Variants in COL18A1 observed in about 807,000 individuals in gnomAD.
The protein encoded by COL18A1 is collagen alpha-1(XVIII) chain.
A neutral mutation model predicts 168.0 loss-of-function variants in COL18A1; 133 were observed. The ratio of observed to expected loss-of-function variants is 0.79; its 90% CI spans 0.69 to 0.91. The LOEUF is 0.91. COL18A1 is among the 40% of genes least tolerant of loss of function. The probability of loss-of-function intolerance (pLI) is 0.00; values close to 1 mark genes in which losing one functional copy is unlikely to be tolerated. For synonymous variants in COL18A1, 949 were observed against 809.0 expected, an observed-to-expected ratio of 1.17 and a Z score of -2.94; for missense variants, 2,126 against 1,925.4, an observed-to-expected ratio of 1.10 and a Z score of -1.95.
At chr21:45,456,676 C>T in intron 2 of COL18A1, 1 of 1,532,698 alleles carries the variant, frequency 6.5e-7, no homozygotes, top group East Asian at 2.5e-5. Flanking sequence ...CGCACTGCCA[C>T]CCCTTCCTCG....
chr21:45,506,319 G>C (rs2037202119), intron 37 of COL18A1: 3 of 367,412 alleles, frequency 8.2e-6, no homozygotes, highest in South Asian at 6.5e-5. Context: ...AGGCCCTCCA[G>C]GGCCACGTGA....
At chr21:45,493,469 C>T (rs560903420) in intron 25 of COL18A1, 32 bp from the exon 26 acceptor site, 9 of 1,536,094 alleles carry the variant, frequency 5.9e-6, no homozygotes, top group Non-Finnish European at 7.9e-6. Flanking sequence ...AAGGAGCTGG[C>T]CCTGACTCTG....
At chr21:45,505,466 C>T (rs1197460121) in intron 36 of COL18A1, 35 bp downstream of exon 36, 4 of 1,154,708 alleles carry the variant, frequency 3.5e-6, no homozygotes, top group Non-Finnish European at 3.8e-6. Flanking sequence ...GCACCTGCGT[C>T]CCGTGCCCTG....
chr21:45,447,392 T>C (rs2034528741), intron 2 of COL18A1, among the ~76,000 whole-genome samples: 1 of 152,122 alleles, frequency 6.6e-6, no homozygotes, highest in Non-Finnish European at 1.5e-5. Context: ...GAAAAATCTA[T>C]TGTATTTATT....
intron 15 of COL18A1, among the ~76,000 whole-genome samples, chr21:45,483,692 G>A (rs147782472): frequency 8.1e-4 from 123 of 152,338 alleles, no homozygotes; most frequent in African/African-American, 2.5e-3. Flanking sequence ...GCTGGACGGG[G>A]TTGGCACTAA....
At chr21:45,475,816 C>T (rs755685074) in intron 5 of COL18A1, among the ~76,000 whole-genome samples, 4 of 152,268 alleles carry the variant, frequency 2.6e-5, no homozygotes, top group Non-Finnish European at 5.9e-5. Flanking sequence ...TTCGAGGCAA[C>T]CTTGGCCTTC....
At chr21:45,430,798 G>A (rs1322638220) in intron 2 of COL18A1, among the ~76,000 whole-genome samples, 3 of 152,198 alleles carry the variant, frequency 2.0e-5, no homozygotes, top group African/African-American at 7.2e-5. Flanking sequence ...ACCAAAGCAA[G>A]CTCCTTTGTG....
At chr21:45,506,953 C>G in intron 37 of COL18A1, 3 of 252,612 alleles carry the variant, frequency 1.2e-5, no homozygotes, top group Non-Finnish European at 2.4e-5. Flanking sequence ...CTGGTGCCCA[C>G]TGTGTGCCAG....
chr21:45,509,673 C>T, intron 39 of COL18A1, 72 bp downstream of exon 39: 1 of 855,386 alleles, frequency 1.2e-6, no homozygotes, highest in South Asian at 1.4e-5. Context: ...AGGGCCCAGC[C>T]CCTGCAGAGC....
rs1211402091 is a variant in COL18A1, at chr21:45,490,719, A to T, written c.2032-117A>T. The T allele has an allele frequency of 2.6e-6, 3 of 1,138,842 alleles. No homozygotes were observed. The East Asian group carries it at 7.7e-5, about 29-fold the overall frequency. The allele number at this position is 1,138,842 out of a possible 1,614,324, so 70.5% of individuals were successfully genotyped here. The stretch of plus-strand genomic sequence containing the variant: ...GGCTCTTGGTGGCTGCCTCCCTCCC[A>T]GGCCCCAGCCGGTCGGGAAATAAAG... On this transcript the variant is annotated intron_variant, in intron 20 of 41. Transcript: ENST00000651438.
At position 45,431,520 on chromosome 21, in the gene COL18A1, G is replaced by C. The variant is rs1239566732; in HGVS notation, c.106+26047G>C. Among the ~76,000 whole-genome samples the C allele has an allele frequency of 4.1e-5, 5 of 122,004 alleles. No homozygotes were observed. In the South Asian group the frequency reaches 1.4e-3, roughly 33 times the overall value. The allele number at this position is 122,004 out of a possible 152,430, so 80.0% of individuals were successfully genotyped here. The stretch of plus-strand genomic sequence containing the variant: ...AGGCAGGACCCGGCGGCCCAGGGGA[G>C]GGGGGCAGGCAGGACTCGGCGGCCC... On this transcript the variant is annotated intron_variant, in intron 2 of 41. Transcript: ENST00000651438.
intron 4 of COL18A1, among the ~76,000 whole-genome samples, chr21:45,474,677 G>A (rs754680585): frequency 1.3e-3 from 7 of 5,498 alleles, no homozygotes; most frequent in Non-Finnish European, 2.2e-3. Context: ...TCACTCAGGG[G>A]CCCAGATCAC....
chr21:45,494,051 T>G, intron 26 of COL18A1: 1 of 283,774 alleles, frequency 3.5e-6, no homozygotes, highest in Non-Finnish European at 6.8e-6. Context: ...TCGGGGAGGG[T>G]CCTGGGGAGA....
chr21:45,485,107 C>G (rs560002746), intron 15 of COL18A1, among the ~76,000 whole-genome samples: 7 of 148,828 alleles, frequency 4.7e-5, no homozygotes, highest in Non-Finnish European at 1.0e-4. Flanking sequence ...CTCAGCCTCC[C>G]GAGTAACTGG....
chr21:45,483,320 CG>C (rs1332196055), intron 15 of COL18A1, among the ~76,000 whole-genome samples: 2 of 152,204 alleles, frequency 1.3e-5, no homozygotes, highest in African/African-American at 4.8e-5. Context: ...GAAGGCAGCC[CG>C]GGTGTCCTTG....
rs768204994 is a variant in COL18A1, at chr21:45,512,432, G to A, written c.*34G>A. The A allele has an allele frequency of 6.2e-5, 99 of 1,596,338 alleles. No homozygotes were observed. The highest frequency in any genetic ancestry group is 1.2e-4 in the Admixed American group (7 of 57,586). On this transcript the variant is annotated 3_prime_UTR_variant, in exon 42 of 42. Transcript: ENST00000651438. ...TGGATGCGGATGGCCGGAGAGGACC[G>A]GCGGCTCGGAGGAAGCCCCCACCGT...
intron 2 of COL18A1, among the ~76,000 whole-genome samples, chr21:45,452,670 G>A (rs1298599014): frequency 6.7e-6 from 1 of 150,098 alleles, no homozygotes; most frequent in Admixed American, 6.6e-5. Flanking sequence ...ATGTATTCAT[G>A]TGTGACATGT....
rs2035306335 is a variant in COL18A1 at position 45,468,732 on chromosome 21, T to C, written c.597T>C (p.Pro199=). 2 of 1,609,384 alleles carry C rather than the reference T, an allele frequency of 1.2e-6. No homozygotes were observed. The highest frequency in any genetic ancestry group is 2.2e-5 in the East Asian group (1 of 44,740). Residue 199 remains proline, a synonymous_variant, in exon 3 of 42, where the codon CCT becomes CCC. Coordinates refer to ENST00000651438, the MANE Select transcript of COL18A1 (RefSeq NM_001379500.1). ...ARSSRGLELE[P]GAGLFVAQAG... Reference sequence around the variant, plus strand: ...CCTCACGGGGCCTGGAGCTGGAGCCTGGCGCCGGGCTCTTCGTGGCTCAGG... The same window carrying C: ...CCTCACGGGGCCTGGAGCTGGAGCCCGGCGCCGGGCTCTTCGTGGCTCAGG...
chr21:45,476,518 G>T (rs778927477), intron 6 of COL18A1, 38 bp downstream of exon 6: 1 of 1,562,510 alleles, frequency 6.4e-7, no homozygotes, highest in Middle Eastern at 1.7e-4. Flanking sequence ...GTGTGGTGTG[G>T]GGTGTGTGTG....
Sources: allele counts gnomAD v4.1 joint callset (sites outside exome capture counted in the v4.1 genomes callset), GRCh38; gene constraint gnomAD v4.1.1; transcripts MANE v1.5; gene names NCBI Gene and HGNC (gene_info 2026-07-23, HGNC 2026-07-21).